The following TEP1 variants were observed in gnomAD, a reference collection of about 807,000 sequenced individuals.
TEP1 encodes the protein telomerase associated protein 1, also known as telomerase protein component 1.
In TEP1, 241 loss-of-function variants were observed where a neutral mutation model predicts 306.3. That is an observed-to-expected ratio of 0.79 (90% CI 0.71 to 0.88). The LOEUF (loss-of-function observed/expected upper bound fraction) is 0.88, where lower values mean the gene tolerates loss of function less well. Ranked by LOEUF, TEP1 falls within the 40% of genes least tolerant of loss-of-function variation. TEP1 has a pLI of 0.00. For missense variants in TEP1, 3,051 were observed against 3,276.1 expected (o/e 0.93, Z 1.68); for synonymous variants, 1,289 against 1,305.5 (o/e 0.99, Z 0.27).
At chr14:20,408,709 TGTAATCC>T (rs1246172540) in intron 1 of TEP1, among the ~76,000 whole-genome samples, 1 of 152,064 alleles carries the variant, frequency 6.6e-6, no homozygotes, top group African/African-American at 2.4e-5. Context: ...GGCTCATGCC[TGTAATCC>T]CAACACTTTG....
intron 26 of TEP1, 62 bp downstream of exon 26, chr14:20,383,426 C>G: frequency 1.9e-6 from 3 of 1,610,414 alleles, no homozygotes; most frequent in Non-Finnish European, 1.7e-6. Flanking sequence ...CTCTCTCCTC[C>G]GTGCCGTATC....
At chr14:20,412,690 T>TC (rs994794364) in intron 1 of TEP1, among the ~76,000 whole-genome samples, 1 of 148,492 alleles carries the variant, frequency 6.7e-6, no homozygotes, top group Admixed American at 6.7e-5. Context: ...CTTTTTTTTT[T>TC]TTTTTTTTTT....
chr14:20,377,839 G>A, intron 39 of TEP1, 86 bp from the exon 40 acceptor site: 1 of 1,553,494 alleles, frequency 6.4e-7, no homozygotes, highest in Non-Finnish European at 8.8e-7. Context: ...CCCCATTAAA[G>A]TCCTCCTTCC....
At position 20,404,698 on chromosome 14, in the gene TEP1, C is replaced by A; in HGVS notation, c.945G>T (p.Leu315Phe). 1 of 1,614,132 alleles carries A rather than the reference C, an allele frequency of 6.2e-7. No homozygotes were observed. Among genetic ancestry groups the A allele is most frequent in the Non-Finnish European group, 8.5e-7 (1 of 1,180,020 alleles). ...GTCGCAGGTGGGGGCGACACGCCGG[C>A]AAGAAAGCAGCAATGGCCAAGATGT... ...ANNILAIAAFLPACRPHLRRY... is the reference protein window; with the variant it reads ...ANNILAIAAFFPACRPHLRRY... The change falls in exon 5 of 55, where the codon TTG (leucine) becomes TTT (phenylalanine). Residue 315 changes from leucine to phenylalanine, a missense_variant. Transcript: ENST00000262715.
intron 11 of TEP1, 114 bp downstream of exon 11, chr14:20,395,745 C>T (rs1878146251): frequency 6.7e-7 from 1 of 1,493,846 alleles, no homozygotes; most frequent in South Asian, 1.2e-5. Flanking sequence ...CCTCTGCCCC[C>T]CACCCCGATA....
At chr14:20,402,103 T>A (rs1405822087) in intron 7 of TEP1, among the ~76,000 whole-genome samples, 1 of 152,054 alleles carries the variant, frequency 6.6e-6, no homozygotes, top group Non-Finnish European at 1.5e-5. Flanking sequence ...GTCAGGAGTT[T>A]GAGACCAGTC....
chr14:20,386,954 G>A (rs1877217651), intron 18 of TEP1, among the ~76,000 whole-genome samples: 2 of 148,294 alleles, frequency 1.3e-5, no homozygotes, highest in Admixed American at 1.3e-4. Flanking sequence ...TTTTTTTTGA[G>A]ACAGAGTTTT....
chr14:20,404,818 T>TCTC, intron 4 of TEP1, 46 bp from the exon 5 acceptor site: 1 of 1,552,832 alleles, frequency 6.4e-7, no homozygotes, highest in Non-Finnish European at 8.7e-7. Context: ...ACTCCTCCCG[T>TCTC]AGCTTTCTGC....
intron 53 of TEP1, 91 bp downstream of exon 53, chr14:20,369,253 C>T (rs1884671830): frequency 2.3e-6 from 3 of 1,326,454 alleles, no homozygotes; most frequent in Non-Finnish European, 3.2e-6. Context: ...CATTATCTGC[C>T]CGCCTAGGCC....
At chr14:20,385,937 T>C in intron 20 of TEP1, 138 bp downstream of exon 20, 1 of 1,308,340 alleles carries the variant, frequency 7.6e-7, no homozygotes, top group Non-Finnish European at 1.0e-6. Context: ...TTGCAGTATC[T>C]TCAGCCTGTA....
chr14:20,395,999 G>T (rs541113729), intron 10 of TEP1, 50 bp from the exon 11 acceptor site: 1 of 1,376,454 alleles, frequency 7.3e-7, no homozygotes, highest in African/African-American at 1.4e-5. Flanking sequence ...CGGGAGTATG[G>T]GGGGCTTCAG....
At chr14:20,369,068 C>T (rs1337867192) in intron 53 of TEP1, among the ~76,000 whole-genome samples, 166 bp from the exon 54 acceptor site, 2 of 151,518 alleles carry the variant, frequency 1.3e-5, no homozygotes. Flanking sequence ...AGTGCAGTGG[C>T]GCAATCTCGG....
Position 20,373,700 on chromosome 14 carries a change from T to C in TEP1, c.6582A>G (p.Ala2194=), listed in dbSNP as rs755487709. The C allele has an allele frequency of 5.6e-6, 9 of 1,614,212 alleles. No individual in the cohort carries two copies. The South Asian group carries it at 9.9e-5, about 18-fold the overall frequency. Residue 2194 remains alanine (A), a synonymous_variant, in exon 45 of 55, where the codon GCA becomes GCG. Transcript: ENST00000262715. ...TACCTGCACGGGGCTCCATGGCAGC[T>C]GCACAGTGGCTAATGGGTCCTGAGT... ...PAHSGPISHC[A]AAMEPRAAGQ...
intron 1 of TEP1, 93 bp downstream of exon 1, chr14:20,413,312 C>T (rs1022573573): frequency 3.3e-5 from 5 of 152,506 alleles, no homozygotes; most frequent in African/African-American, 4.8e-5. Context: ...CTCTCAGCCT[C>T]AGAGCCCAGC....
chr14:20,412,593 C>T (rs1879755818), intron 1 of TEP1, among the ~76,000 whole-genome samples: 1 of 150,972 alleles, frequency 6.6e-6, no homozygotes, highest in Non-Finnish European at 1.5e-5. Context: ...TTTACACAAA[C>T]AGGATCATAA....
intron 5 of TEP1, 118 bp from the exon 6 acceptor site, chr14:20,404,002 C>T: frequency 7.4e-7 from 1 of 1,354,494 alleles, no homozygotes; most frequent in Non-Finnish European, 1.0e-6. Context: ...GTTCCCAGCC[C>T]TAGCTCCAAA....
At chr14:20,409,279 C>G (rs960192073) in intron 1 of TEP1, among the ~76,000 whole-genome samples, 4 of 152,220 alleles carry the variant, frequency 2.6e-5, no homozygotes, top group East Asian at 3.8e-4. Flanking sequence ...CTTCTTAAAA[C>G]TATTCTGACT....
At chr14:20,390,041 A>G (rs1160822725) in intron 15 of TEP1, among the ~76,000 whole-genome samples, 1 of 152,138 alleles carries the variant, frequency 6.6e-6, no homozygotes, top group African/African-American at 2.4e-5. Flanking sequence ...ATTAAATTGT[A>G]TACATTTAAA....
Position 20,384,980 on chromosome 14 carries a change from A to G in TEP1, c.3107+5T>C. 2 of 1,614,232 alleles carry G rather than the reference A, an allele frequency of 1.2e-6. No homozygotes were observed. Among genetic ancestry groups the G allele is most frequent in the South Asian group, 1.1e-5 (1 of 91,084 alleles). ...GAGCCCCAGCCTGCAGGCAACAGAC[A>G]GTACCTGAGGAAGCTGGAATCCCGG... On this transcript the variant is annotated splice_donor_5th_base_variant and intron_variant, in intron 21 of 54. Coordinates refer to ENST00000262715, the MANE Select transcript of TEP1 (RefSeq NM_007110.5).
Sources: gnomAD v4.1 joint callset for allele counts (sites outside exome capture counted in the v4.1 genomes callset) on GRCh38, gnomAD v4.1.1 for gene constraint, MANE v1.5 for transcripts, NCBI Gene and HGNC (gene_info 2026-07-23, HGNC 2026-07-21) for gene names.